The following LIMCH1 variants were observed in gnomAD, a reference collection of about 807,000 sequenced individuals.
LIMCH1 encodes the protein LIM and calponin homology domains-containing protein 1.
In LIMCH1, 113 loss-of-function variants were observed where a neutral mutation model predicts 176.5. The ratio of observed to expected loss-of-function variants is 0.64; its 90% CI spans 0.55 to 0.75. The LOEUF (loss-of-function observed/expected upper bound fraction) is 0.75. Among genes scored for constraint, LIMCH1 ranks in the 30% least tolerant of loss-of-function variants. The pLI, the probability that LIMCH1 is intolerant of heterozygous loss-of-function variation, is 0.00. For missense variants in LIMCH1, 1,674 were observed against 1,814.9 expected (o/e 0.92, Z 1.41); for synonymous variants, 619 against 645.9 (o/e 0.96, Z 0.63).
At position 41,620,560 on chromosome 4, in the gene LIMCH1, C is replaced by T. The variant is rs1285716891; in HGVS notation, c.595C>T (p.Pro199Ser). 2 of 1,536,174 alleles carry T rather than the reference C, an allele frequency of 1.3e-6. No homozygotes were observed. Among genetic ancestry groups the T allele is most frequent in the African/African-American group, 2.7e-5 (2 of 73,018 alleles). ...ELPDGSGKEH[P>S]SSDGAVVAPA... The stretch of plus-strand genomic sequence containing the variant: ...ACCTGACGGCAGTGGTAAGGAGCAC[C>T]CTTCTTCAGACGGGGCTGTGGTGGC... Residue 199 changes from proline to serine, a missense_variant, in exon 7 of 32, where the codon CCT (proline) becomes TCT (serine). By Grantham distance (74) the Pro-to-Ser change is moderately conservative. This residue lies in a region of LIMCH1 where 655 missense variants were observed against 692.2 expected (regional missense o/e 0.95). Transcript: ENST00000503057.
intron 1 of LIMCH1, among the ~76,000 whole-genome samples, chr4:41,476,737 G>A (rs926163933): frequency 5.3e-5 from 8 of 152,142 alleles, no homozygotes; most frequent in African/African-American, 1.9e-4. Flanking sequence ...CTCCCTTAAT[G>A]GATATGTATT....
intron 18 of LIMCH1, among the ~76,000 whole-genome samples, chr4:41,651,013 T>C (rs1458335246): frequency 6.6e-6 from 1 of 152,020 alleles, no homozygotes; most frequent in East Asian, 1.9e-4. Context: ...TTTTATTTTA[T>C]TTTATTTTTC....
Position 41,449,671 on chromosome 4 carries a change from G to A in LIMCH1, c.97-44865G>A, listed in dbSNP as rs2063651537. 2.0e-5 allele frequency among the ~76,000 whole-genome samples: 3 copies of A among 152,160 alleles called. No individual in the cohort carries two copies. The South Asian group carries it at 6.2e-4, about 32-fold the overall frequency. ...CATAGTTAAAAAAATCCAGAAAAAT[G>A]GATTGAGACCAGATTGTGAAGTAAC... On this transcript the variant is annotated intron_variant, in intron 1 of 26. Transcript: ENST00000313860.
chr4:41,549,220 A>AC (rs2080038571), intron 1 of LIMCH1, among the ~76,000 whole-genome samples: 1 of 152,174 alleles, frequency 6.6e-6, no homozygotes, highest in African/African-American at 2.4e-5. Flanking sequence ...TTTATTTAGT[A>AC]CCTACAATAT....
chr4:41,467,857 G>A (rs960016954), intron 1 of LIMCH1, among the ~76,000 whole-genome samples: 12 of 152,210 alleles, frequency 7.9e-5, no homozygotes, highest in Non-Finnish European at 1.2e-4. Flanking sequence ...GAACTCAGAG[G>A]CTAGATAATG....
intron 7 of LIMCH1, among the ~76,000 whole-genome samples, chr4:41,621,658 C>T (rs1434962601): frequency 2.0e-5 from 3 of 152,070 alleles, no homozygotes; most frequent in Non-Finnish European, 2.9e-5. Flanking sequence ...TGTACCACCA[C>T]GCCTGGCTAA....
intron 2 of LIMCH1, among the ~76,000 whole-genome samples, chr4:41,515,131 G>A (rs972360465): frequency 5.9e-5 from 9 of 152,194 alleles, no homozygotes; most frequent in Admixed American, 2.0e-4. Flanking sequence ...TCCTCAGGAC[G>A]GCAAGTGAGG....
chr4:41,542,003 G>A (rs2078724786), intron 1 of LIMCH1, among the ~76,000 whole-genome samples: 5 of 152,170 alleles, frequency 3.3e-5, no homozygotes, highest in Admixed American at 3.3e-4. Flanking sequence ...ACTCAGCCAT[G>A]CTTGTGGTAG....
At chr4:41,541,337 A>G (rs1368985844) in intron 1 of LIMCH1, among the ~76,000 whole-genome samples, 1 of 152,146 alleles carries the variant, frequency 6.6e-6, no homozygotes, top group Non-Finnish European at 1.5e-5. Flanking sequence ...CTCTCTTTTC[A>G]GCTCTGGGTA....
intron 8 of LIMCH1, 116 bp downstream of exon 8, chr4:41,627,126 C>G (rs2093018269): frequency 1.5e-6 from 2 of 1,317,852 alleles, no homozygotes; most frequent in African/African-American, 2.9e-5. Context: ...TCCAGTTCCT[C>G]TTTCCAGCCT....
intron 1 of LIMCH1, among the ~76,000 whole-genome samples, chr4:41,416,848 G>T (rs73134602): frequency 0.067 from 10,203 of 152,114 alleles, 679 homozygotes; most frequent in South Asian, 0.18. Context: ...ACAGGCCAAA[G>T]AAAGAAGCTG....
At position 41,682,478 on chromosome 4, in the gene LIMCH1, G is replaced by A. The variant is rs200906959; in HGVS notation, c.3845+18G>A. On this transcript the variant is annotated intron_variant, in intron 26 of 31. Coordinates refer to ENST00000503057, the MANE Select transcript of LIMCH1 (RefSeq NM_001330672.2). ...AAGGGCAGGTATGAGCCCATCCCAA[G>A]CCACCATGAAAATGTACAAAGCTGG... 19 of 1,608,570 alleles carry A rather than the reference G, an allele frequency of 1.2e-5. No homozygotes were observed. Among genetic ancestry groups the A allele is most frequent in the Non-Finnish European group, 1.5e-5 (18 of 1,177,606 alleles).
Position 41,582,166 on chromosome 4 carries a change from A to T in LIMCH1, c.-240-16754A>T, listed in dbSNP as rs188387719. ...GCTAGTCCTAAAATAGTTGGTACAT[A>T]CATGAGTGTGAATTCCTGCATGGTA... is the stretch of plus-strand genomic sequence containing the variant. On this transcript the variant is annotated intron_variant, in intron 1 of 31. Transcript: ENST00000503057. Among the ~76,000 whole-genome samples the T allele has an allele frequency of 6.6e-5, 10 of 152,340 alleles. 1 individual carries two copies. The highest frequency in any genetic ancestry group is 1.9e-4 in the African/African-American group (8 of 41,590).
Position 41,684,342 on chromosome 4 carries a change from G to T in LIMCH1, c.3846-55G>T, listed in dbSNP as rs191392173. The T allele has an allele frequency of 5.9e-3, 9,184 of 1,564,842 alleles. 49 individuals are homozygous for T. Among genetic ancestry groups the T allele is most frequent in the South Asian group, 0.014 (1,165 of 82,684 alleles). On this transcript the variant is annotated intron_variant, in intron 26 of 31. Coordinates refer to ENST00000503057, the MANE Select transcript of LIMCH1 (RefSeq NM_001330672.2). ...ATCCTTTAAGTTATAGGACCAAGAAGTTCGATTCAGTTACTTTTCTCTCTG... is the reference window on the plus strand; with the variant it reads ...ATCCTTTAAGTTATAGGACCAAGAATTTCGATTCAGTTACTTTTCTCTCTG...
At chr4:41,556,302 G>A (rs1441857553) in intron 1 of LIMCH1, among the ~76,000 whole-genome samples, 1 of 150,680 alleles carries the variant, frequency 6.6e-6, no homozygotes, top group Non-Finnish European at 1.5e-5. Context: ...GGCTGAGGTA[G>A]GAGAATTGCT....
chr4:41,580,634 CAAAAT>C (rs1026841500), intron 1 of LIMCH1, among the ~76,000 whole-genome samples: 22 of 151,064 alleles, frequency 1.5e-4, no homozygotes, highest in African/African-American at 5.4e-4. Flanking sequence ...TAAAGAGAAA[CAAAAT>C]AAACCTAAAA....
intron 23 of LIMCH1, among the ~76,000 whole-genome samples, chr4:41,677,404 A>AT (rs1356186556): frequency 6.6e-6 from 1 of 152,164 alleles, no homozygotes; most frequent in Non-Finnish European, 1.5e-5. Context: ...ACAAAACTCC[A>AT]TCTCAAAAAA....
chr4:41,415,740 G>A (rs1222437663), intron 1 of LIMCH1, among the ~76,000 whole-genome samples: 1 of 152,148 alleles, frequency 6.6e-6, no homozygotes, highest in Non-Finnish European at 1.5e-5. Flanking sequence ...CACTTTGGGA[G>A]GTCAGGGCAG....
At chr4:41,597,357 G>A (rs2089067669) in intron 1 of LIMCH1, among the ~76,000 whole-genome samples, 1 of 152,138 alleles carries the variant, frequency 6.6e-6, no homozygotes, top group Non-Finnish European at 1.5e-5. Context: ...TAAAGTTCTT[G>A]GAATAATGCA....
Sources: allele counts gnomAD v4.1 joint callset (sites outside exome capture counted in the v4.1 genomes callset), GRCh38; gene constraint gnomAD v4.1.1; regional missense constraint gnomAD v4.1.1; transcripts MANE v1.5; gene names NCBI Gene and HGNC (gene_info 2026-07-23, HGNC 2026-07-21).